Variants in DTNBP1 observed in about 807,000 individuals in gnomAD.
DTNBP1 encodes the protein dysbindin.
Under a neutral mutation model 42.8 loss-of-function variants are expected in DTNBP1, and 35 were observed. The observed-to-expected ratio is 0.82, with a 90% CI of 0.63 to 1.09. The LOEUF (loss-of-function observed/expected upper bound fraction) is 1.09. DTNBP1 is among the 50% of genes least tolerant of loss of function. The pLI is 0.00. For missense variants in DTNBP1, 457 were observed against 424.2 expected (o/e 1.08, Z -0.68); for synonymous variants, 171 against 162.2 (o/e 1.05, Z -0.41).
intron 1 of DTNBP1, among the ~76,000 whole-genome samples, chr6:15,661,823 A>C (rs1488872042): frequency 6.6e-6 from 1 of 152,264 alleles, no homozygotes; most frequent in Non-Finnish European, 1.5e-5. Flanking sequence ...AACAATACTG[A>C]CATGATGCTT....
chr6:15,568,078 C>G (rs1223482934), intron 7 of DTNBP1, among the ~76,000 whole-genome samples: 1 of 152,178 alleles, frequency 6.6e-6, no homozygotes, highest in Non-Finnish European at 1.5e-5. Context: ...CTCTCACCTT[C>G]TCTGCCCTTT....
chr6:15,595,109 C>G, intron 6 of DTNBP1: 2 of 456,320 alleles, frequency 4.4e-6, no homozygotes, highest in Non-Finnish European at 8.8e-6. Context: ...TCATGACCCA[C>G]AACTCCACAA....
chr6:15,588,677 C>T (rs1776175388), intron 7 of DTNBP1, among the ~76,000 whole-genome samples: 1 of 152,222 alleles, frequency 6.6e-6, no homozygotes, highest in Admixed American at 6.5e-5. Flanking sequence ...CTTCATCCCT[C>T]ATCACTTCAC....
chr6:15,523,963 T>C (rs1772143654), intron 9 of DTNBP1: 3 of 1,287,466 alleles, frequency 2.3e-6, no homozygotes, highest in Non-Finnish European at 3.0e-6. Flanking sequence ...TGGTCTGAAA[T>C]TTGAAACGCA....
rs576231797 is a variant in DTNBP1, at chr6:15,538,699, C to A, written c.512-5304G>T. On this transcript the variant is annotated intron_variant, in intron 7 of 9. Transcript: ENST00000344537. ...GAAAAAGGACAACCTGAGTGCCTTA[C>A]CTTACGTAAATATTTCCTAACTCCT... Among the ~76,000 whole-genome samples, 3 of 152,308 alleles carry A rather than the reference C, an allele frequency of 2.0e-5. No individual in the cohort carries two copies. In the East Asian group the frequency reaches 5.8e-4, roughly 29 times the overall value.
At chr6:15,524,457 G>GT (rs761690492) in intron 9 of DTNBP1, 69 bp downstream of exon 9, 4 of 1,614,004 alleles carry the variant, frequency 2.5e-6, no homozygotes, top group Non-Finnish European at 1.7e-6. Context: ...TGGTTCTCAC[G>GT]TCTCACCTTT....
intron 6 of DTNBP1, among the ~76,000 whole-genome samples, chr6:15,611,026 G>A (rs1254837423): frequency 6.6e-6 from 1 of 152,212 alleles, no homozygotes; most frequent in African/African-American, 2.4e-5. Flanking sequence ...ACTTTTATTG[G>A]AAGAAGATGA....
At chr6:15,660,687 G>A (rs1476621007) in intron 1 of DTNBP1, among the ~76,000 whole-genome samples, 1 of 152,116 alleles carries the variant, frequency 6.6e-6, no homozygotes, top group Non-Finnish European at 1.5e-5. Flanking sequence ...AACGTTTAGG[G>A]TTACCCTGAT....
chr6:15,529,012 T>C (rs530725231), intron 8 of DTNBP1, among the ~76,000 whole-genome samples: 19 of 152,290 alleles, frequency 1.2e-4, no homozygotes, highest in Non-Finnish European at 1.0e-4. Context: ...AGGCCGGGTG[T>C]GGTGGCTCAC....
rs148169932 is a variant in DTNBP1, at chr6:15,603,862, C to T, written c.489-10781G>A. Among the ~76,000 whole-genome samples, 456 of 152,260 alleles carry T rather than the reference C, an allele frequency of 3.0e-3. 3 individuals carry two copies. The highest frequency in any genetic ancestry group is 0.01 in the African/African-American group (426 of 41,532). On this transcript the variant is annotated intron_variant, in intron 6 of 9. Transcript: ENST00000344537. ...GTGAGTGCCAGGCACTGTTAGCTCA[C>T]CCTCTTGGATATTTTTTTCCCTCCT...
intron 5 of DTNBP1, among the ~76,000 whole-genome samples, chr6:15,627,077 C>T (rs1452741137): frequency 6.6e-6 from 1 of 152,182 alleles, no homozygotes; most frequent in Non-Finnish European, 1.5e-5. Flanking sequence ...CAAATGTCAA[C>T]AAAGACAACC....
At chr6:15,623,016 A>G (rs1431001251) in intron 5 of DTNBP1, among the ~76,000 whole-genome samples, 1 of 152,222 alleles carries the variant, frequency 6.6e-6, no homozygotes, top group African/African-American at 2.4e-5. Flanking sequence ...AGACTGTTCA[A>G]ATGCTTACGT....
At chr6:15,607,621 G>A (rs151246367) in intron 6 of DTNBP1, among the ~76,000 whole-genome samples, 6 of 152,090 alleles carry the variant, frequency 3.9e-5, no homozygotes, top group African/African-American at 7.2e-5. Context: ...TTTACCACAG[G>A]AATTCTCAGA....
At chr6:15,643,332 T>C (rs1164327344) in intron 3 of DTNBP1, among the ~76,000 whole-genome samples, 1 of 152,102 alleles carries the variant, frequency 6.6e-6, no homozygotes, top group African/African-American at 2.4e-5. Flanking sequence ...TTACTAGCAT[T>C]CCTGAGAGAA....
At chr6:15,539,663 G>A (rs1024473855) in intron 7 of DTNBP1, among the ~76,000 whole-genome samples, 3 of 152,198 alleles carry the variant, frequency 2.0e-5, no homozygotes, top group African/African-American at 7.2e-5. Context: ...CATCCTTTGG[G>A]TGGACGATTC....
chr6:15,591,612 T>C (rs1188238621), intron 7 of DTNBP1, among the ~76,000 whole-genome samples: 1 of 152,202 alleles, frequency 6.6e-6, no homozygotes, highest in African/African-American at 2.4e-5. Context: ...TCAGCCTAAA[T>C]TGAATTATTC....
chr6:15,626,332 T>C (rs1008913096), intron 5 of DTNBP1, among the ~76,000 whole-genome samples: 4 of 152,242 alleles, frequency 2.6e-5, no homozygotes, highest in African/African-American at 9.6e-5. Flanking sequence ...CATTAGCTAC[T>C]GTTATCAGCA....
At chr6:15,613,427 C>T (rs575614070) in intron 6 of DTNBP1, among the ~76,000 whole-genome samples, 209 of 115,266 alleles carry the variant, frequency 1.8e-3, no homozygotes, top group Admixed American at 3.2e-3. Context: ...AGTGCAGTGG[C>T]GCGATCTCGG....
chr6:15,606,313 A>G (rs1252748704), intron 6 of DTNBP1, among the ~76,000 whole-genome samples: 2 of 152,250 alleles, frequency 1.3e-5, no homozygotes, highest in Non-Finnish European at 2.9e-5. Context: ...GAATGACAAA[A>G]TATCATATAT....
Sources: gnomAD v4.1 joint callset for allele counts (sites outside exome capture counted in the v4.1 genomes callset) on GRCh38, gnomAD v4.1.1 for gene constraint, MANE v1.5 for transcripts, NCBI Gene and HGNC (gene_info 2026-07-23, HGNC 2026-07-21) for gene names.